CSMD1: variants seen among roughly 807,000 people sequenced by gnomAD.
CSMD1 encodes CUB and Sushi multiple domains 1, also known as CUB and sushi domain-containing protein 1.
A neutral mutation model predicts 417.5 loss-of-function variants in CSMD1; 213 were observed. The ratio of observed to expected loss-of-function variants is 0.51; its 90% CI spans 0.46 to 0.57. The LOEUF (loss-of-function observed/expected upper bound fraction) is 0.57. Ranked by LOEUF, CSMD1 falls within the 20% of genes least tolerant of loss-of-function variation. The probability of loss-of-function intolerance (pLI) is 0.00; values close to 1 mark genes in which losing one functional copy is unlikely to be tolerated. For synonymous variants in CSMD1, 2,862 were observed against 1,736.8 expected, an observed-to-expected ratio of 1.65 and a Z score of -16.11; for missense variants, 6,923 against 4,529.7, an observed-to-expected ratio of 1.53 and a Z score of -15.17.
chr8:2,959,640 G>A (rs781447239), intron 62 of CSMD1, among the ~76,000 whole-genome samples: 28 of 152,162 alleles, frequency 1.8e-4, no homozygotes, highest in Non-Finnish European at 3.2e-4. Flanking sequence ...TCGGGGACAC[G>A]CTGGCTGGAG....
chr8:3,447,849 G>A (rs1815399605), intron 12 of CSMD1, among the ~76,000 whole-genome samples: 2 of 152,220 alleles, frequency 1.3e-5, no homozygotes, highest in South Asian at 4.1e-4. Context: ...GAGGCCATCG[G>A]AGGTGTCTTT....
intron 5 of CSMD1, among the ~76,000 whole-genome samples, chr8:3,756,079 G>A (rs890483471): frequency 2.0e-5 from 3 of 151,946 alleles, no homozygotes; most frequent in East Asian, 1.9e-4. Context: ...CATTGTGGCC[G>A]GGCGCAGTGG....
intron 5 of CSMD1, among the ~76,000 whole-genome samples, chr8:3,837,179 TCA>T (rs1335168950): frequency 6.6e-6 from 1 of 152,130 alleles, no homozygotes; most frequent in Admixed American, 6.6e-5. Flanking sequence ...CACATCAGTT[TCA>T]CAGTCTGTGG....
intron 1 of CSMD1, among the ~76,000 whole-genome samples, chr8:4,876,996 A>G (rs1383189211): frequency 6.6e-6 from 1 of 152,136 alleles, no homozygotes; most frequent in Non-Finnish European, 1.5e-5. Context: ...TAAGTATAAT[A>G]CAAAGATAAA....
intron 49 of CSMD1, among the ~76,000 whole-genome samples, chr8:3,073,756 C>G (rs921523916): frequency 1.3e-5 from 2 of 149,472 alleles, no homozygotes; most frequent in African/African-American, 4.9e-5. Context: ...AGAACATGAA[C>G]TTTAAAAAAA....
chr8:3,443,168 G>A (rs1407408222), intron 12 of CSMD1, among the ~76,000 whole-genome samples: 1 of 152,120 alleles, frequency 6.6e-6, no homozygotes, highest in East Asian at 1.9e-4. Context: ...GTCACCTTCT[G>A]CTGCAAAAAA....
intron 5 of CSMD1, among the ~76,000 whole-genome samples, chr8:3,757,581 G>C (rs961182943): frequency 6.6e-6 from 1 of 152,154 alleles, no homozygotes; most frequent in Non-Finnish European, 1.5e-5. Context: ...TGTAAAAACA[G>C]ACCCGGTGCA....
chr8:3,318,084 A>T (rs1323765794), intron 23 of CSMD1, among the ~76,000 whole-genome samples: 1 of 152,204 alleles, frequency 6.6e-6, no homozygotes, highest in East Asian at 1.9e-4. Flanking sequence ...TACAAGCGTG[A>T]CCTATCACAT....
intron 25 of CSMD1, among the ~76,000 whole-genome samples, chr8:3,305,822 G>A (rs778707428): frequency 8.5e-5 from 13 of 152,082 alleles, no homozygotes; most frequent in Non-Finnish European, 1.6e-4. Context: ...TGGGACTACA[G>A]GTGCCTGCCA....
rs146984049 is a variant in CSMD1 at position 3,981,308 on chromosome 8, A to C, written c.818+16595T>G. ...AGCTAAGCTATGAGGACACAAAGGC[A>C]AAAGAATGATAACAGCGGATTTTGG... On this transcript the variant is annotated intron_variant, in intron 5 of 69. Transcript: ENST00000635120. 4.4e-3 allele frequency among the ~76,000 whole-genome samples: 671 copies of C among 152,208 alleles called. 8 individuals carry two copies. Among genetic ancestry groups the C allele is most frequent in the African/African-American group, 0.015 (643 of 41,534 alleles).
In CSMD1 at chr8:3,346,283, T is replaced by C. The variant is rs189486671; in HGVS notation, c.3474+1709A>G. Among the ~76,000 whole-genome samples, 422 of 152,344 alleles carry C rather than the reference T, an allele frequency of 2.8e-3. 1 individual carries two copies. The highest frequency in any genetic ancestry group is 8.4e-3 in the African/African-American group (349 of 41,578). ...AATGAACATAATTTCCTTCCTTCCA[T>C]TGCAATAATATTTATCCTTGTGTAT... On this transcript the variant is annotated intron_variant, in intron 22 of 69. Coordinates refer to ENST00000635120, the MANE Select transcript of CSMD1 (RefSeq NM_033225.6).
chr8:3,765,720 T>A (rs972702614), intron 5 of CSMD1, among the ~76,000 whole-genome samples: 4 of 152,206 alleles, frequency 2.6e-5, no homozygotes, highest in Non-Finnish European at 5.9e-5. Flanking sequence ...CACTGCAGCC[T>A]TGCAGGTGGG....
chr8:3,426,506 G>A (rs745403392), intron 12 of CSMD1, among the ~76,000 whole-genome samples: 1 of 152,114 alleles, frequency 6.6e-6, no homozygotes, highest in African/African-American at 2.4e-5. Context: ...TCCCTCAATT[G>A]CCTCCTCTCC....
chr8:4,322,603 G>A (rs1212815610), intron 3 of CSMD1, among the ~76,000 whole-genome samples: 4 of 152,198 alleles, frequency 2.6e-5, no homozygotes, highest in African/African-American at 9.6e-5. Flanking sequence ...AAGACATGTT[G>A]TAGAAGCAGA....
At chr8:4,470,874 T>A (rs116736892) in intron 2 of CSMD1, among the ~76,000 whole-genome samples, 95 of 152,316 alleles carry the variant, frequency 6.2e-4, no homozygotes, top group African/African-American at 2.3e-3. Context: ...TAAAACTGAA[T>A]TATTTTTAAG....
intron 1 of CSMD1, among the ~76,000 whole-genome samples, chr8:4,758,029 A>G (rs1182685824): frequency 6.6e-6 from 1 of 151,742 alleles, no homozygotes; most frequent in Non-Finnish European, 1.5e-5. Context: ...GATTTACTGC[A>G]CAAACTCCCT....
chr8:4,044,949 G>C (rs148534055), intron 3 of CSMD1, among the ~76,000 whole-genome samples: 204 of 152,366 alleles, frequency 1.3e-3, no homozygotes, highest in African/African-American at 4.7e-3. Context: ...GCATCTGAGA[G>C]TAATTATATT....
intron 1 of CSMD1, among the ~76,000 whole-genome samples, chr8:4,766,712 G>A (rs369530947): frequency 2.6e-5 from 4 of 152,318 alleles, no homozygotes; most frequent in African/African-American, 9.6e-5. Context: ...AGGCTTCCAA[G>A]TAAACAGAAC....
intron 12 of CSMD1, among the ~76,000 whole-genome samples, chr8:3,457,819 G>T (rs920953086): frequency 1.3e-5 from 2 of 152,172 alleles, no homozygotes; most frequent in African/African-American, 2.4e-5. Flanking sequence ...GGTCCTTGTT[G>T]TATCCGATGC....
Sources: gnomAD v4.1 joint callset for allele counts (sites outside exome capture counted in the v4.1 genomes callset) on GRCh38, gnomAD v4.1.1 for gene constraint, MANE v1.5 for transcripts, NCBI Gene and HGNC (gene_info 2026-07-23, HGNC 2026-07-21) for gene names.